Variants in NR2C2 observed in about 807,000 individuals in gnomAD.
The protein encoded by NR2C2 is Nuclear hormone receptor TR4.
NR2C2 carries 6 observed loss-of-function variants against 62.9 expected under a neutral mutation model. That is an observed-to-expected ratio of 0.10 (90% CI 0.05 to 0.19). The LOEUF is 0.19. Among genes scored for constraint, NR2C2 ranks in the 10% least tolerant of loss-of-function variants. The probability of loss-of-function intolerance (pLI) is 1.00; values close to 1 mark genes in which losing one functional copy is unlikely to be tolerated. For synonymous variants in NR2C2, 272 were observed against 273.8 expected (o/e 0.99, Z 0.07); for missense variants, 479 against 762.7 (o/e 0.63, Z 4.38).
intron 4 of NR2C2, among the ~76,000 whole-genome samples, chr3:15,019,041 A>G (rs1241318337): frequency 7.2e-6 from 1 of 139,734 alleles, no homozygotes; most frequent in Non-Finnish European, 1.5e-5. Flanking sequence ...AAAAAAAAAG[A>G]TTTTATTTTT....
chr3:15,007,687 G>C (rs895560490), intron 2 of NR2C2, among the ~76,000 whole-genome samples: 3 of 152,154 alleles, frequency 2.0e-5, no homozygotes, highest in African/African-American at 7.2e-5. Context: ...GTAAGCCATG[G>C]TAAAAAGTCT....
At chr3:14,974,239 ATTTG>A (rs2040136382) in intron 1 of NR2C2, among the ~76,000 whole-genome samples, 1 of 152,030 alleles carries the variant, frequency 6.6e-6, no homozygotes, top group African/African-American at 2.4e-5. Context: ...GGTTCAGGCT[ATTTG>A]TTTGTATGTC....
chr3:15,044,401 GAT>G lies in NR2C2; in HGVS notation c.*1395_*1396del, dbSNP rs745491080. ...AAAAACAACCCTCAATTTCCAGGGT[GAT>G]AGTCTTTCTCCTCATAAATTGTAGC... On this transcript the variant is annotated 3_prime_UTR_variant, in exon 14 of 14. Transcript: ENST00000425241. The G allele has an allele frequency of 9.9e-5, 15 of 152,170 alleles. No homozygotes were observed. The highest frequency in any genetic ancestry group is 1.5e-4 in the Non-Finnish European group (10 of 68,026). The allele number at this position is 152,170 out of a possible 1,614,324, so 9.4% of individuals were successfully genotyped here. A position where few individuals can be genotyped will look rare whatever the true frequency, so the allele number is the denominator to read the frequency against.
At chr3:14,996,325 G>T (rs1331725656) in intron 1 of NR2C2, among the ~76,000 whole-genome samples, 2 of 152,080 alleles carry the variant, frequency 1.3e-5, no homozygotes, top group African/African-American at 4.8e-5. Context: ...AAAATACAAA[G>T]AATTTTCTGT....
intron 13 of NR2C2, among the ~76,000 whole-genome samples, chr3:15,039,946 C>A (rs896930274): frequency 6.6e-6 from 1 of 151,380 alleles, no homozygotes; most frequent in Non-Finnish European, 1.5e-5. Flanking sequence ...GTCACGAGTT[C>A]AAGACCAGCC....
chr3:14,952,364 C>T (rs1487623921), intron 1 of NR2C2, among the ~76,000 whole-genome samples: 1 of 152,178 alleles, frequency 6.6e-6, no homozygotes, highest in Admixed American at 6.5e-5. Flanking sequence ...ATATCGAGGG[C>T]CCTCCGTTGG....
intron 1 of NR2C2, among the ~76,000 whole-genome samples, chr3:14,969,363 C>T (rs1280111995): frequency 1.3e-5 from 2 of 151,622 alleles, no homozygotes; most frequent in African/African-American, 2.4e-5. Context: ...CCGCCTTAGC[C>T]TCCCGAGTAG....
chr3:14,954,571 G>A (rs1183690497), intron 1 of NR2C2, among the ~76,000 whole-genome samples: 1 of 152,126 alleles, frequency 6.6e-6, no homozygotes, highest in East Asian at 1.9e-4. Flanking sequence ...CACTTCTCAT[G>A]GTTATTACAA....
chr3:15,011,769 C>T (rs1243622190), intron 2 of NR2C2, among the ~76,000 whole-genome samples: 2 of 152,218 alleles, frequency 1.3e-5, no homozygotes, highest in Non-Finnish European at 1.5e-5. Flanking sequence ...TTGCACTTGG[C>T]TGTGCCGTGT....
intron 5 of NR2C2, among the ~76,000 whole-genome samples, chr3:15,022,777 G>A (rs901636611): frequency 6.6e-6 from 1 of 152,200 alleles, no homozygotes; most frequent in African/African-American, 2.4e-5. Flanking sequence ...TGTAATTCCA[G>A]CACTTTGGCA....
At chr3:15,041,572 G>A (rs2125100193) in intron 13 of NR2C2, among the ~76,000 whole-genome samples, 1 of 152,308 alleles carries the variant, frequency 6.6e-6, no homozygotes, top group East Asian at 1.9e-4. Context: ...ACTATCCAGG[G>A]GCAGGGCGTG....
chr3:15,027,564 C>A (rs182407059), intron 7 of NR2C2, among the ~76,000 whole-genome samples: 2 of 152,262 alleles, frequency 1.3e-5, no homozygotes, highest in Admixed American at 6.5e-5. Flanking sequence ...TATATATCTT[C>A]TTTGGAGAGA....
intron 1 of NR2C2, among the ~76,000 whole-genome samples, chr3:15,002,390 A>G (rs1244125923): frequency 6.6e-6 from 1 of 151,864 alleles, no homozygotes; most frequent in Admixed American, 6.6e-5. Flanking sequence ...TTTGATTTTC[A>G]TATTTGAACA....
intron 1 of NR2C2, among the ~76,000 whole-genome samples, chr3:14,961,146 A>G (rs932136663): frequency 2.0e-5 from 3 of 152,224 alleles, no homozygotes; most frequent in African/African-American, 7.2e-5. Flanking sequence ...GACAGGAGCC[A>G]GGTCTTTCAT....
At chr3:15,018,426 C>T (rs946516977) in intron 4 of NR2C2, among the ~76,000 whole-genome samples, 1 of 152,136 alleles carries the variant, frequency 6.6e-6, no homozygotes, top group Admixed American at 6.5e-5. Context: ...AACAAGTAAC[C>T]CAATTTTAAA....
Position 15,042,923 on chromosome 3 carries a change from A to G in NR2C2, c.1706A>G (p.Asn569Ser), listed in dbSNP as rs148719288. 1,741 of 1,614,172 alleles carry G rather than the reference A, an allele frequency of 1.1e-3. 3 individuals carry two copies. Among genetic ancestry groups the G allele is most frequent in the Non-Finnish European group, 1.3e-3 (1,517 of 1,180,008 alleles). Residue 569 changes from asparagine to serine, a missense_variant, in exon 14 of 14, where the codon AAT becomes AGT. This residue lies in a region of NR2C2 where 162 missense variants were observed against 296.8 expected (regional missense o/e 0.55). Coordinates refer to ENST00000425241, the MANE Select transcript of NR2C2 (RefSeq NM_001291694.2). ...EELFFTGLIG[N>S]VSIDSIIPYI... is the part of the protein sequence containing the mutation. ...CTTTTTTTTACTGGTCTCATTGGCA[A>G]TGTTTCGATAGACAGCATAATCCCC...
chr3:14,974,474 A>G (rs2040142792), intron 1 of NR2C2, among the ~76,000 whole-genome samples: 1 of 152,170 alleles, frequency 6.6e-6, no homozygotes, highest in Non-Finnish European at 1.5e-5. Context: ...ATGGCTTTGG[A>G]TAGTGTTGAC....
chr3:14,987,025 T>A (rs1367893567), intron 1 of NR2C2, among the ~76,000 whole-genome samples: 1 of 152,194 alleles, frequency 6.6e-6, no homozygotes. Flanking sequence ...TTATACCTCA[T>A]TTTACCAAGA....
At chr3:14,953,825 G>A (rs2039439568) in intron 1 of NR2C2, among the ~76,000 whole-genome samples, 1 of 151,538 alleles carries the variant, frequency 6.6e-6, no homozygotes, top group Admixed American at 6.6e-5. Context: ...AACCCGGGAG[G>A]TGGAGGCTGC....
Sources: gnomAD v4.1 joint callset for allele counts (sites outside exome capture counted in the v4.1 genomes callset) on GRCh38, gnomAD v4.1.1 for gene constraint, gnomAD v4.1.1 regional missense constraint, MANE v1.5 for transcripts, NCBI Gene and HGNC (gene_info 2026-07-23, HGNC 2026-07-21) for gene names.